Variants in FRMD6 observed in about 807,000 individuals in gnomAD.
The protein encoded by FRMD6 is FERM domain containing 6, also known as FERM domain-containing protein 6.
Under a neutral mutation model 73.2 loss-of-function variants are expected in FRMD6, and 37 were observed. The observed-to-expected ratio is 0.51, with a 90% CI of 0.39 to 0.66. The LOEUF is 0.66. Ranked by LOEUF, FRMD6 falls within the 30% of genes least tolerant of loss-of-function variation. FRMD6 has a pLI of 0.00. For synonymous variants in FRMD6, 273 were observed against 282.2 expected (o/e 0.97, Z 0.33); for missense variants, 714 against 780.5 (o/e 0.91, Z 1.02).
intron 1 of FRMD6, among the ~76,000 whole-genome samples, chr14:51,516,334 G>A (rs963213521): frequency 7.9e-5 from 12 of 152,182 alleles, no homozygotes; most frequent in Non-Finnish European, 8.8e-5. Flanking sequence ...GGGTCCATCC[G>A]ATTAGAGACG....
intron 1 of FRMD6, among the ~76,000 whole-genome samples, chr14:51,503,153 T>C (rs1303382655): frequency 6.6e-6 from 1 of 152,220 alleles, no homozygotes; most frequent in Non-Finnish European, 1.5e-5. Context: ...CAAAGATAAT[T>C]TGGCTTCCTC....
In FRMD6 at chr14:51,728,192, A is replaced by C. The variant is rs575109418; in HGVS notation, c.*163A>C. On this transcript the variant is annotated 3_prime_UTR_variant, in exon 14 of 14. Coordinates refer to ENST00000344768, the MANE Select transcript of FRMD6 (RefSeq NM_001267046.2). Reference sequence around the variant, plus strand: ...GAAACAAAAGCCTTGGAACAATTGCACTTTAAGTATTACACAGAAGTAAAA... The same window carrying C: ...GAAACAAAAGCCTTGGAACAATTGCCCTTTAAGTATTACACAGAAGTAAAA... 21 of 669,366 alleles carry C rather than the reference A, an allele frequency of 3.1e-5. No individual in the cohort carries two copies. The highest frequency in any genetic ancestry group is 4.9e-5 in the Non-Finnish European group (20 of 407,032). The allele number at this position is 669,366 out of a possible 1,614,324, so 41.5% of individuals were successfully genotyped here.
At chr14:51,638,446 C>G (rs1370290156) in intron 2 of FRMD6, among the ~76,000 whole-genome samples, 1 of 152,152 alleles carries the variant, frequency 6.6e-6, no homozygotes. Flanking sequence ...TCACATTCCT[C>G]CTGGAGACAC....
At chr14:51,444,826 C>T in the FRMD6 span, among the ~76,000 whole-genome samples, 70 of 152,230 alleles carry the variant, frequency 4.6e-4, no homozygotes, top group African/African-American at 1.5e-3. Flanking sequence ...TCCTTGTTGT[C>T]GATGTTGGTG....
chr14:51,417,703 G>T, the FRMD6 span, among the ~76,000 whole-genome samples: 1 of 152,180 alleles, frequency 6.6e-6, no homozygotes, highest in Non-Finnish European at 1.5e-5. Context: ...GGCCTGTCTT[G>T]CTAGGTAGGG....
chr14:51,644,416 C>CT lies in FRMD6; in HGVS notation c.-146-45274dup, dbSNP rs1566523485. On this transcript the variant is annotated intron_variant, in intron 2 of 14. Coordinates refer to the FRMD6 transcript ENST00000356218. ...ACTCACTCTCTCTCTCTCTCTCTCCCTCCCTGATCTCTACGTGTAATTTAT... is the reference window on the plus strand; with the variant it reads ...ACTCACTCTCTCTCTCTCTCTCTCCCTTCCCTGATCTCTACGTGTAATTTAT... 7.1e-3 allele frequency among the ~76,000 whole-genome samples: 1,067 copies of CT among 151,092 alleles called. 14 individuals carry two copies. Among genetic ancestry groups the CT allele is most frequent in the African/African-American group, 0.024 (1,002 of 40,994 alleles).
upstream of FRMD6, among the ~76,000 whole-genome samples, chr14:51,486,679 T>G (rs1371171055): frequency 6.6e-6 from 1 of 152,234 alleles, no homozygotes; most frequent in Non-Finnish European, 1.5e-5. Context: ...ATCTATAGAC[T>G]CAATCACAAG....
chr14:51,638,666 G>C (rs903094325), intron 2 of FRMD6, among the ~76,000 whole-genome samples: 1 of 152,164 alleles, frequency 6.6e-6, no homozygotes, highest in Admixed American at 6.5e-5. Context: ...TTAGAAACTT[G>C]AAGGACAAAA....
At chr14:51,544,566 A>G (rs1886363993) in intron 1 of FRMD6, among the ~76,000 whole-genome samples, 1 of 151,906 alleles carries the variant, frequency 6.6e-6, no homozygotes, top group Non-Finnish European at 1.5e-5. Context: ...CTCAATAATA[A>G]TTCCTCACGT....
At chr14:51,479,337 T>C in the FRMD6 span, among the ~76,000 whole-genome samples, 1 of 152,210 alleles carries the variant, frequency 6.6e-6, no homozygotes, top group Admixed American at 6.5e-5. Context: ...GTCACTCTTG[T>C]AGGGTAGAGA....
At chr14:51,699,854 G>A (rs1194386110) in intron 3 of FRMD6, among the ~76,000 whole-genome samples, 1 of 151,992 alleles carries the variant, frequency 6.6e-6, no homozygotes, top group Non-Finnish European at 1.5e-5. Flanking sequence ...AGATTGTCTG[G>A]TCTTGTTTAT....
chr14:51,644,108 A>G lies in FRMD6; in HGVS notation c.-146-45583A>G, dbSNP rs990038477. On this transcript the variant is annotated intron_variant, in intron 2 of 14. Coordinates refer to the FRMD6 transcript ENST00000356218. ...TCAATGCAGGGGGAAGGCTAAAAAT[A>G]GAAATAAAATATACAATAAGGAACA... Among the ~76,000 whole-genome samples, 10 of 141,450 alleles carry G rather than the reference A, an allele frequency of 7.1e-5. No homozygotes were observed. In the Middle Eastern group the frequency reaches 0.011, roughly 153 times the overall value. The allele number at this position is 141,450 out of a possible 152,430, so 92.8% of individuals were successfully genotyped here.
chr14:51,632,148 C>G (rs926495074), intron 2 of FRMD6, among the ~76,000 whole-genome samples: 6 of 152,202 alleles, frequency 3.9e-5, no homozygotes, highest in African/African-American at 1.2e-4. Context: ...CTTCTCCTTT[C>G]TGCCACCCTG....
At chr14:51,506,551 G>T (rs1429892147) in intron 1 of FRMD6, among the ~76,000 whole-genome samples, 1 of 152,190 alleles carries the variant, frequency 6.6e-6, no homozygotes, top group Admixed American at 6.5e-5. Context: ...CAGTGTTGAG[G>T]GTGAAGGAGG....
intron 2 of FRMD6, among the ~76,000 whole-genome samples, chr14:51,582,323 C>G (rs539562849): frequency 6.7e-6 from 1 of 150,246 alleles, no homozygotes; most frequent in Non-Finnish European, 1.5e-5. Flanking sequence ...CAGGATAGTC[C>G]GTCGTCCCAC....
intron 1 of FRMD6, among the ~76,000 whole-genome samples, chr14:51,489,591 T>C (rs1051374917): frequency 8.5e-5 from 13 of 152,212 alleles, no homozygotes; most frequent in Non-Finnish European, 1.5e-5. Context: ...GCTGCTGAAG[T>C]TGATCTGTCT....
chr14:51,427,560 C>A, the FRMD6 span, among the ~76,000 whole-genome samples: 1 of 152,212 alleles, frequency 6.6e-6, no homozygotes, highest in Non-Finnish European at 1.5e-5. Flanking sequence ...CTTATGCAAA[C>A]ATTGAGACTT....
chr14:51,583,124 T>C (rs1025520928), intron 2 of FRMD6, among the ~76,000 whole-genome samples: 1 of 152,180 alleles, frequency 6.6e-6, no homozygotes, highest in Non-Finnish European at 1.5e-5. Context: ...ACTCTTAGAA[T>C]TCATCTACAA....
At chr14:51,411,278 C>A in the FRMD6 span, among the ~76,000 whole-genome samples, 2 of 152,078 alleles carry the variant, frequency 1.3e-5, no homozygotes, top group Non-Finnish European at 2.9e-5. Flanking sequence ...AAGAGCAGAA[C>A]TGAAAAGTCA....
Sources: gnomAD v4.1 joint callset for allele counts (sites outside exome capture counted in the v4.1 genomes callset) on GRCh38, gnomAD v4.1.1 for gene constraint, MANE v1.5 for transcripts, NCBI Gene and HGNC (gene_info 2026-07-23, HGNC 2026-07-21) for gene names.